The following METTL24 variants were observed in gnomAD, a reference collection of about 807,000 sequenced individuals.
The protein encoded by METTL24 is methyltransferase like 24.
In METTL24, 29 loss-of-function variants were observed where a neutral mutation model predicts 32.7. That is an observed-to-expected ratio of 0.89 (90% CI 0.66 to 1.21). The LOEUF (loss-of-function observed/expected upper bound fraction) is 1.21. Ranked by LOEUF, METTL24 falls within the 50% of genes most tolerant of loss-of-function variation. METTL24 has a pLI of 0.00. For missense variants in METTL24, 439 were observed against 468.1 expected (o/e 0.94, Z 0.57); for synonymous variants, 163 against 179.5 (o/e 0.91, Z 0.73).
At chr6:110,284,659 T>C (rs1472889513) in intron 4 of METTL24, among the ~76,000 whole-genome samples, 1 of 152,176 alleles carries the variant, frequency 6.6e-6, no homozygotes, top group Non-Finnish European at 1.5e-5. Context: ...ATATTTATCA[T>C]GTAGAATTAC....
At chr6:110,263,576 CA>C (rs1375813255) in intron 4 of METTL24, among the ~76,000 whole-genome samples, 1 of 152,196 alleles carries the variant, frequency 6.6e-6, no homozygotes, top group Non-Finnish European at 1.5e-5. Context: ...ATGCCATCCC[CA>C]TCGAGCTACC....
intron 1 of METTL24, among the ~76,000 whole-genome samples, chr6:110,342,978 A>G (rs1275449972): frequency 6.6e-6 from 1 of 152,192 alleles, no homozygotes; most frequent in Non-Finnish European, 1.5e-5. Context: ...ATGGTTTCCA[A>G]CTTTTGGCTA....
chr6:110,334,710 A>G (rs1165417217), intron 1 of METTL24, among the ~76,000 whole-genome samples: 2 of 152,220 alleles, frequency 1.3e-5, no homozygotes, highest in East Asian at 3.9e-4. Context: ...GGTTGCACGT[A>G]ACCGTGCAGG....
intron 4 of METTL24, among the ~76,000 whole-genome samples, chr6:110,289,631 T>C (rs1182293123): frequency 6.6e-6 from 1 of 151,854 alleles, no homozygotes; most frequent in Non-Finnish European, 1.5e-5. Context: ...ACAAGAAGGA[T>C]AGACTTAGAG....
chr6:110,250,695 G>A (rs1472496854), intron 4 of METTL24, among the ~76,000 whole-genome samples: 1 of 152,178 alleles, frequency 6.6e-6, no homozygotes, highest in Admixed American at 6.5e-5. Flanking sequence ...TTATCACTCT[G>A]ACTAATGGAT....
At chr6:110,297,308 CTTG>C (rs1771437841) in intron 4 of METTL24, among the ~76,000 whole-genome samples, 1 of 152,168 alleles carries the variant, frequency 6.6e-6, no homozygotes, top group Non-Finnish European at 1.5e-5. Context: ...AGGTACATAC[CTTG>C]TTATCTAAAA....
intron 4 of METTL24, among the ~76,000 whole-genome samples, chr6:110,273,729 GT>G (rs1389621051): frequency 1.3e-5 from 2 of 152,154 alleles, no homozygotes; most frequent in Admixed American, 1.3e-4. Flanking sequence ...AGTAATAGAT[GT>G]TGGCATGGAT....
chr6:110,348,119 G>C (rs538410425), intron 1 of METTL24, among the ~76,000 whole-genome samples: 1 of 152,330 alleles, frequency 6.6e-6, no homozygotes, highest in African/African-American at 2.4e-5. Flanking sequence ...AACACAGACC[G>C]TATTCATTGA....
At chr6:110,336,111 T>C (rs962499065) in intron 1 of METTL24, among the ~76,000 whole-genome samples, 1 of 152,190 alleles carries the variant, frequency 6.6e-6, no homozygotes, top group Non-Finnish European at 1.5e-5. Flanking sequence ...AGTTCACTAG[T>C]GGTTCTGAAA....
At chr6:110,284,156 G>A (rs936604520) in intron 4 of METTL24, among the ~76,000 whole-genome samples, 1 of 152,166 alleles carries the variant, frequency 6.6e-6, no homozygotes, top group African/African-American at 2.4e-5. Flanking sequence ...GAGGTACCTA[G>A]ATTAGGCAAA....
intron 2 of METTL24, among the ~76,000 whole-genome samples, chr6:110,319,438 T>TAGATAGAG (rs1554215697): frequency 5.4e-4 from 82 of 151,916 alleles, no homozygotes; most frequent in African/African-American, 2.0e-3. Context: ...GATAGATAGA[T>TAGATAGAG]AGATAGATAG....
chr6:110,297,701 C>T (rs1436146876), intron 4 of METTL24, among the ~76,000 whole-genome samples: 1 of 152,134 alleles, frequency 6.6e-6, no homozygotes, highest in Admixed American at 6.6e-5. Context: ...CTGCTTCTTC[C>T]CACACATATG....
intron 4 of METTL24, among the ~76,000 whole-genome samples, chr6:110,274,126 T>C (rs1157781352): frequency 1.3e-5 from 2 of 152,114 alleles, no homozygotes; most frequent in African/African-American, 2.4e-5. Context: ...GGAGTCTTGC[T>C]CTGTTGCCCA....
chr6:110,336,766 G>A (rs9487385), intron 1 of METTL24, among the ~76,000 whole-genome samples: 56,946 of 149,428 alleles, frequency 0.38, 11,098 homozygotes, highest in Non-Finnish European at 0.43. Context: ...ACAAAAAGAT[G>A]GTTATCATTT....
At chr6:110,272,816 AT>A (rs542887471) in intron 4 of METTL24, among the ~76,000 whole-genome samples, 3 of 150,030 alleles carry the variant, frequency 2.0e-5, no homozygotes, top group African/African-American at 7.4e-5. Context: ...GTTTGATGGG[AT>A]TTTTTTTTCC....
intron 2 of METTL24, among the ~76,000 whole-genome samples, chr6:110,320,834 G>C (rs1249021801): frequency 6.6e-6 from 1 of 152,078 alleles, no homozygotes; most frequent in Admixed American, 6.6e-5. Flanking sequence ...GGGGACCTTA[G>C]AAATAATTTT....
At chr6:110,257,885 C>T (rs1343293193) in intron 4 of METTL24, among the ~76,000 whole-genome samples, 1 of 152,218 alleles carries the variant, frequency 6.6e-6, no homozygotes, top group Non-Finnish European at 1.5e-5. Context: ...ATCCTAAACA[C>T]ATGCCAAGGT....
chr6:110,262,737 C>T (rs1345848808), intron 4 of METTL24, among the ~76,000 whole-genome samples: 4 of 152,096 alleles, frequency 2.6e-5, no homozygotes, highest in African/African-American at 4.8e-5. Context: ...ACTGACAAAC[C>T]GAATCCAGCA....
chr6:110,329,508 G>C (rs150121397), intron 1 of METTL24, among the ~76,000 whole-genome samples: 1 of 146,426 alleles, frequency 6.8e-6, no homozygotes, highest in African/African-American at 2.5e-5. Flanking sequence ...AGGGGGTGGG[G>C]GTGGGAGTAG....
Sources: gnomAD v4.1 joint callset for allele counts (sites outside exome capture counted in the v4.1 genomes callset) on GRCh38, gnomAD v4.1.1 for gene constraint, MANE v1.5 for transcripts, NCBI Gene and HGNC (gene_info 2026-07-23, HGNC 2026-07-21) for gene names.